Variants in TOP1MT observed in about 807,000 individuals in gnomAD.
TOP1MT encodes DNA topoisomerase I, mitochondrial.
In TOP1MT, 80 loss-of-function variants were observed where a neutral mutation model predicts 73.9. That is an observed-to-expected ratio of 1.08 (90% CI 0.90 to 1.30). The LOEUF is 1.30. Among genes scored for constraint, TOP1MT ranks in the 50% most tolerant of loss-of-function variants. TOP1MT has a pLI of 0.00. For synonymous variants in TOP1MT, 338 were observed against 326.4 expected (o/e 1.04, Z -0.38); for missense variants, 815 against 808.0 (o/e 1.01, Z -0.10).
In TOP1MT at chr8:143,342,714, T is replaced by C. The variant is rs1467307103; in HGVS notation, c.29+506A>G. Among the ~76,000 whole-genome samples the C allele has an allele frequency of 1.8e-4, 19 of 106,496 alleles. 1 individual carries two copies. The highest frequency in any genetic ancestry group is 3.0e-4 in the Non-Finnish European group (14 of 46,630). The allele number at this position is 106,496 out of a possible 152,430, so 69.9% of individuals were successfully genotyped here. A position where few individuals can be genotyped will look rare whatever the true frequency, so the allele number is the denominator to read the frequency against. ...TATTATTAGAGACAGAGTCTCGCTGTTATTATTATTATTAGAGACAGAGTC... is the reference window on the plus strand; with the variant it reads ...TATTATTAGAGACAGAGTCTCGCTGCTATTATTATTATTAGAGACAGAGTC... On this transcript the variant is annotated intron_variant, in intron 2 of 5. Coordinates refer to the TOP1MT transcript ENST00000518007.
upstream of TOP1MT, chr8:143,356,069 G>A (rs1174623663): frequency 1.3e-5 from 2 of 152,246 alleles, no homozygotes; most frequent in Non-Finnish European, 2.9e-5. Flanking sequence ...TTACGTTGAG[G>A]ACATTTCCAT....
chr8:143,340,943 G>A (rs142856204), intron 2 of TOP1MT, among the ~76,000 whole-genome samples: 33 of 152,144 alleles, frequency 2.2e-4, no homozygotes, highest in African/African-American at 4.6e-4. Context: ...GCCCTGGCTC[G>A]TCCTCCGTGC....
chr8:143,317,705 G>A lies in TOP1MT; in HGVS notation c.1330+18C>T. 1.2e-6 allele frequency: 2 copies of A among 1,606,908 alleles called. No homozygotes were observed. Among genetic ancestry groups the A allele is most frequent in the Non-Finnish European group, 1.7e-6 (2 of 1,174,576 alleles). On this transcript the variant is annotated intron_variant, in intron 10 of 13. Coordinates refer to ENST00000329245, the MANE Select transcript of TOP1MT (RefSeq NM_052963.3). ...CCGTGCTCCCCCCGCGCTGAGTGTG[G>A]GTGTGGGGCAGGCTCACCGCGCGTC...
At position 143,341,114 on chromosome 8, in the gene TOP1MT, G is replaced by C. The variant is rs1183284781; in HGVS notation, c.29+2106C>G. Among the ~76,000 whole-genome samples the C allele has an allele frequency of 6.6e-6, 1 of 152,168 alleles. No homozygotes were observed. Among genetic ancestry groups the C allele is most frequent in the Non-Finnish European group, 1.5e-5 (1 of 68,024 alleles). On this transcript the variant is annotated intron_variant, in intron 2 of 5. Coordinates refer to the TOP1MT transcript ENST00000518007. The surrounding 1 kb of genome is among the most constrained non-coding windows in gnomAD (Gnocchi z 4.1). ...CGCTCCCCACAGCTGAGGGTCTCAG[G>C]CTTGCCCCTAGCGTCCCCGCCACCC...
upstream of TOP1MT, chr8:143,359,195 C>T (rs1489042275): frequency 1.0e-6 from 1 of 983,052 alleles, no homozygotes; most frequent in African/African-American, 1.8e-5. Context: ...ATAGCCTGTT[C>T]TTGGGTTTTA....
chr8:143,347,211 G>A (rs566158480), upstream of TOP1MT, among the ~76,000 whole-genome samples: 93 of 152,186 alleles, frequency 6.1e-4, no homozygotes, highest in South Asian at 8.1e-3. Context: ...CTGGGGTGCA[G>A]TGGCGCGATC....
In TOP1MT at chr8:143,321,398, G is replaced by T. The variant is rs1357639118; in HGVS notation, c.961-12C>A. On this transcript the variant is annotated splice_polypyrimidine_tract_variant and intron_variant, in intron 7 of 13. Coordinates refer to ENST00000329245, the MANE Select transcript of TOP1MT (RefSeq NM_052963.3). The stretch of plus-strand genomic sequence containing the variant: ...GCTCTCAGTGCCAGCTAGTTGGTGG[G>T]GAATGGTCAAAGTGGGTGGTGCGTG... 1 of 1,568,936 alleles carries T rather than the reference G, an allele frequency of 6.4e-7. No individual in the cohort carries two copies. The highest frequency in any genetic ancestry group is 8.7e-7 in the Non-Finnish European group (1 of 1,151,448).
rs1353760379 is a variant in TOP1MT at position 143,322,949 on chromosome 8, A to C, written c.960+1050T>G. On this transcript the variant is annotated intron_variant, in intron 7 of 13. Coordinates refer to ENST00000329245, the MANE Select transcript of TOP1MT (RefSeq NM_052963.3). ...CACGCCACACACAGGCACGCCACAC[A>C]CGCCACACACGCACGCCACACACGC... Among the ~76,000 whole-genome samples the C allele has an allele frequency of 1.8e-3, 191 of 107,172 alleles. 1 individual carries two copies. The highest frequency in any genetic ancestry group is 6.1e-3 in the African/African-American group (165 of 26,838). The allele number at this position is 107,172 out of a possible 152,430, so 70.3% of individuals were successfully genotyped here.
chr8:143,358,619 T>C (rs1176867556), upstream of TOP1MT: 1 of 152,296 alleles, frequency 6.6e-6, no homozygotes, highest in African/African-American at 2.4e-5. Context: ...CTGCTTCAAA[T>C]TGGGCCCCGA....
rs1456878909 is a variant in TOP1MT, at chr8:143,341,926, ATT to A, written c.29+1292_29+1293del. ...GTCTCACTCTGTTATTATTATTATT[ATT>A]GAGACAGAGTCTCGCTCTGTTATTA... On this transcript the variant is annotated intron_variant, in intron 2 of 5. Coordinates refer to the TOP1MT transcript ENST00000518007. This position sits in a 1 kb window ranked among gnomAD's most constrained non-coding sequence, Gnocchi z 4.1. Among the ~76,000 whole-genome samples the A allele has an allele frequency of 6.6e-6, 1 of 150,486 alleles. No homozygotes were observed. Among genetic ancestry groups the A allele is most frequent in the South Asian group, 2.1e-4 (1 of 4,788 alleles).
At chr8:143,359,575 G>C (rs2977349), upstream of TOP1MT, among the ~76,000 whole-genome samples, 11,581 of 150,598 alleles carry the variant, frequency 0.077, 1,570 homozygotes, top group African/African-American at 0.27. Flanking sequence ...CCGAGCGGGA[G>C]GGGTAAGCGA....
At chr8:143,347,473 T>C (rs187856833), upstream of TOP1MT, among the ~76,000 whole-genome samples, 2 of 152,322 alleles carry the variant, frequency 1.3e-5, no homozygotes, top group East Asian at 3.9e-4. Context: ...TATTTTTTAG[T>C]AGAGACGGGG....
At chr8:143,330,011 A>G (rs1816810908) in intron 2 of TOP1MT, among the ~76,000 whole-genome samples, 1 of 152,202 alleles carries the variant, frequency 6.6e-6, no homozygotes, top group Non-Finnish European at 1.5e-5. Flanking sequence ...TTCACCAGGA[A>G]TTCTTTCAAC....
chr8:143,317,722 C>G lies in TOP1MT; in HGVS notation c.1330+1G>C. On this transcript the variant is annotated splice_donor_variant, in intron 10 of 13. Transcript: ENST00000329245. LOFTEE classifies it high-confidence loss of function. ...TGAGTGTGGGTGTGGGGCAGGCTCA[C>G]CGCGCGTCAGGGCCCGCAGCTGCTC... 1.2e-6 allele frequency: 2 copies of G among 1,612,888 alleles called. No homozygotes were observed. Among genetic ancestry groups the G allele is most frequent in the East Asian group, 4.5e-5 (2 of 44,868 alleles).
chr8:143,353,424 A>C (rs114486194), intron 1 of TOP1MT, among the ~76,000 whole-genome samples: 2,081 of 152,108 alleles, frequency 0.014, 49 homozygotes, highest in African/African-American at 0.047. Context: ...TCTTTAAAAA[A>C]AAAAAAAAAG....
intron 9 of TOP1MT, 46 bp from the exon 10 acceptor site, chr8:143,317,883 G>T: frequency 6.2e-7 from 1 of 1,602,374 alleles, no homozygotes; most frequent in Non-Finnish European, 8.5e-7. Flanking sequence ...TTGCGGGGCC[G>T]TCCCAGCCTC....
Position 143,341,050 on chromosome 8 carries a change from C to T in TOP1MT, c.29+2170G>A, listed in dbSNP as rs74989872. 0.041 allele frequency among the ~76,000 whole-genome samples: 6,270 copies of T among 152,124 alleles called. 435 individuals carry two copies. The highest frequency in any genetic ancestry group is 0.14 in the African/African-American group (5,955 of 41,464). ...TCTGTCTATCCCACTGCCCAGAGCG[C>T]GCTCCTCCCCAGCTCCCACGGCGGC... is the stretch of plus-strand genomic sequence containing the variant. On this transcript the variant is annotated intron_variant, in intron 2 of 5. Coordinates refer to the TOP1MT transcript ENST00000518007. The surrounding 1 kb of genome is among the most constrained non-coding windows in gnomAD (Gnocchi z 4.1).
Position 143,323,323 on chromosome 8 carries a change from CCA to C in TOP1MT, c.960+674_960+675del, listed in dbSNP as rs201009745. Among the ~76,000 whole-genome samples, 546 of 105,078 alleles carry C rather than the reference CCA, an allele frequency of 5.2e-3. 21 individuals carry two copies. The highest frequency in any genetic ancestry group is 0.021 in the African/African-American group (517 of 24,884). The allele number at this position is 105,078 out of a possible 152,430, so 68.9% of individuals were successfully genotyped here. A position where few individuals can be genotyped will look rare whatever the true frequency, so the allele number is the denominator to read the frequency against. Reference sequence around the variant, plus strand: ...CACACACATGCTCACCACACGCACGCCACACACATGCACGCCACACACATGCA... The same window carrying C: ...CACACACATGCTCACCACACGCACGCCACACATGCACGCCACACACATGCA... On this transcript the variant is annotated intron_variant, in intron 7 of 13. Transcript: ENST00000329245.
intron 13 of TOP1MT, chr8:143,309,808 T>A: frequency 6.5e-7 from 1 of 1,533,618 alleles, no homozygotes; most frequent in Non-Finnish European, 8.7e-7. Flanking sequence ...GTGGGCAGGC[T>A]GAGCTCCACA....
Sources: gnomAD v4.1 joint callset for allele counts (sites outside exome capture counted in the v4.1 genomes callset) on GRCh38, gnomAD v4.1.1 for gene constraint, Gnocchi (gnomAD v3.1) non-coding constraint, MANE v1.5 for transcripts, NCBI Gene and HGNC (gene_info 2026-07-23, HGNC 2026-07-21) for gene names.